PTPRD: variants seen among roughly 807,000 people sequenced by gnomAD.
PTPRD encodes receptor-type tyrosine-protein phosphatase delta.
Under a neutral mutation model 214.5 loss-of-function variants are expected in PTPRD, and 34 were observed. The ratio of observed to expected loss-of-function variants is 0.16; its 90% CI spans 0.12 to 0.21. The LOEUF is 0.21. PTPRD is among the 10% of genes least tolerant of loss of function. The probability of loss-of-function intolerance (pLI) is 1.00; values close to 1 mark genes in which losing one functional copy is unlikely to be tolerated. For missense variants in PTPRD, 2,545 were observed against 2,398.7 expected, an observed-to-expected ratio of 1.06 and a Z score of -1.27; for synonymous variants, 1,128 against 845.7, an observed-to-expected ratio of 1.33 and a Z score of -5.79.
intron 33 of PTPRD, among the ~76,000 whole-genome samples, chr9:8,451,387 C>A (rs771140866): frequency 2.0e-5 from 3 of 151,820 alleles, no homozygotes; most frequent in South Asian, 2.1e-4. Flanking sequence ...CTGCGACCTG[C>A]CAAGGTACTG....
At chr9:10,460,000 G>A (rs1383702201) in intron 2 of PTPRD, among the ~76,000 whole-genome samples, 1 of 151,964 alleles carries the variant, frequency 6.6e-6, no homozygotes, top group African/African-American at 2.4e-5. Flanking sequence ...ACAGTTAAGT[G>A]GCATTAAATA....
chr9:8,528,140 A>G (rs1592832673), intron 15 of PTPRD: 2 of 318,222 alleles, frequency 6.3e-6, no homozygotes, highest in African/African-American at 2.1e-5. Context: ...ATACTTTAAT[A>G]AAATTGAAAC....
chr9:9,146,568 C>T (rs1040110387), intron 10 of PTPRD, among the ~76,000 whole-genome samples: 13 of 152,020 alleles, frequency 8.6e-5, no homozygotes, highest in African/African-American at 3.1e-4. Flanking sequence ...TGAACAGAGC[C>T]TCACAACTAA....
At chr9:10,379,337 C>T (rs2097780329) in intron 2 of PTPRD, among the ~76,000 whole-genome samples, 1 of 151,444 alleles carries the variant, frequency 6.6e-6, no homozygotes, top group Non-Finnish European at 1.5e-5. Flanking sequence ...TCTTCCTTTC[C>T]AATTTAGATG....
At chr9:9,819,928 C>T (rs1214618342) in intron 5 of PTPRD, among the ~76,000 whole-genome samples, 1 of 152,068 alleles carries the variant, frequency 6.6e-6, no homozygotes, top group African/African-American at 2.4e-5. Flanking sequence ...CATATCTTTG[C>T]TATTGTGAAT....
intron 9 of PTPRD, among the ~76,000 whole-genome samples, chr9:9,315,761 T>A (rs1486472613): frequency 2.0e-5 from 3 of 151,374 alleles, no homozygotes; most frequent in Non-Finnish European, 4.4e-5. Context: ...TAGAAACAAG[T>A]TGAATCTGGG....
At chr9:10,257,881 CAAAAT>C (rs1350729362) in intron 3 of PTPRD, among the ~76,000 whole-genome samples, 2 of 152,056 alleles carry the variant, frequency 1.3e-5, no homozygotes, top group Non-Finnish European at 2.9e-5. Context: ...TAAAATAAAA[CAAAAT>C]AACACCCTTT....
intron 11 of PTPRD, among the ~76,000 whole-genome samples, chr9:8,812,540 G>A (rs1324427406): frequency 6.6e-6 from 1 of 152,126 alleles, no homozygotes. Flanking sequence ...GAAAGTACAT[G>A]TGCAACGACT....
At chr9:10,228,709 ATATAT>A (rs1315487934) in intron 3 of PTPRD, among the ~76,000 whole-genome samples, 5 of 150,102 alleles carry the variant, frequency 3.3e-5, no homozygotes, top group Non-Finnish European at 5.9e-5. Flanking sequence ...TATTGATAGA[ATATAT>A]TATATGTATA....
At chr9:9,006,863 G>T (rs1298457257) in intron 11 of PTPRD, among the ~76,000 whole-genome samples, 2 of 151,854 alleles carry the variant, frequency 1.3e-5, no homozygotes, top group Non-Finnish European at 2.9e-5. Flanking sequence ...TTAAAGAAAT[G>T]ATTTTAAAAA....
intron 10 of PTPRD, among the ~76,000 whole-genome samples, chr9:9,106,197 A>G (rs760477037): frequency 6.6e-6 from 1 of 151,892 alleles, no homozygotes; most frequent in Non-Finnish European, 1.5e-5. Context: ...CATTTAATCT[A>G]TGTTGAATCC....
intron 9 of PTPRD, among the ~76,000 whole-genome samples, chr9:9,379,520 G>C (rs1320731164): frequency 1.3e-5 from 2 of 151,794 alleles, no homozygotes; most frequent in Admixed American, 1.3e-4. Context: ...TGCCATTCTG[G>C]ATATTATTTC....
intron 10 of PTPRD, among the ~76,000 whole-genome samples, chr9:9,182,175 T>C (rs748764466): frequency 1.3e-5 from 2 of 152,088 alleles, no homozygotes; most frequent in Non-Finnish European, 2.9e-5. Context: ...ATCTTCGTTA[T>C]CTCTTATTTG....
intron 10 of PTPRD, among the ~76,000 whole-genome samples, chr9:9,050,877 T>C (rs577181972): frequency 6.6e-6 from 1 of 152,298 alleles, no homozygotes; most frequent in African/African-American, 2.4e-5. Context: ...GGTATATATG[T>C]ATAGGAAAAA....
intron 8 of PTPRD, among the ~76,000 whole-genome samples, chr9:9,402,387 T>G (rs2071005340): frequency 6.6e-6 from 1 of 152,132 alleles, no homozygotes; most frequent in Admixed American, 6.6e-5. Flanking sequence ...GTTTCAGGTT[T>G]GAATTTATAC....
At chr9:9,001,798 T>C (rs2099419847) in intron 11 of PTPRD, among the ~76,000 whole-genome samples, 1 of 152,040 alleles carries the variant, frequency 6.6e-6, no homozygotes, top group East Asian at 1.9e-4. Flanking sequence ...TAACATCTAC[T>C]TTTCCATGCA....
intron 10 of PTPRD, among the ~76,000 whole-genome samples, chr9:9,048,625 T>C (rs960936664): frequency 1.3e-5 from 2 of 151,900 alleles, no homozygotes; most frequent in African/African-American, 4.8e-5. Flanking sequence ...ATCATGAACA[T>C]AGAGAGTAGA....
intron 10 of PTPRD, among the ~76,000 whole-genome samples, chr9:9,101,713 T>A (rs551568677): frequency 6.6e-6 from 1 of 152,332 alleles, no homozygotes; most frequent in East Asian, 1.9e-4. Flanking sequence ...CACTTATGCA[T>A]GTTACCCCAC....
intron 11 of PTPRD, among the ~76,000 whole-genome samples, chr9:8,795,608 A>T (rs1025462950): frequency 6.1e-5 from 9 of 148,456 alleles, no homozygotes; most frequent in African/African-American, 2.2e-4. Context: ...GAGACGGAGT[A>T]ACAGCAATCA....
Sources: gnomAD v4.1 joint callset for allele counts (sites outside exome capture counted in the v4.1 genomes callset) on GRCh38, gnomAD v4.1.1 for gene constraint, MANE v1.5 for transcripts, NCBI Gene and HGNC (gene_info 2026-07-23, HGNC 2026-07-21) for gene names.